Variants in NXPH1 observed in about 807,000 individuals in gnomAD.
NXPH1 encodes the protein neurexophilin-1.
Under a neutral mutation model 23.7 loss-of-function variants are expected in NXPH1, and 5 were observed. That is an observed-to-expected ratio of 0.21 (90% CI 0.11 to 0.44). The LOEUF is 0.44. Among genes scored for constraint, NXPH1 ranks in the 20% least tolerant of loss-of-function variants. The pLI, the probability that NXPH1 is intolerant of heterozygous loss-of-function variation, is 0.99. For synonymous variants in NXPH1, 144 were observed against 122.2 expected (o/e 1.18, Z -1.18); for missense variants, 324 against 321.6 (o/e 1.01, Z -0.06).
intron 2 of NXPH1, among the ~76,000 whole-genome samples, chr7:8,610,670 T>G (rs1365616678): frequency 6.6e-6 from 1 of 152,030 alleles, no homozygotes; most frequent in Non-Finnish European, 1.5e-5. Flanking sequence ...TACAACTGGT[T>G]TCTATTTTCT....
intron 2 of NXPH1, among the ~76,000 whole-genome samples, chr7:8,628,407 G>C (rs985210): frequency 0.31 from 46,091 of 147,636 alleles, 7,542 homozygotes; most frequent in African/African-American, 0.41. Flanking sequence ...GGTTAGAAGA[G>C]TCATCACAAA....
At chr7:8,556,549 C>A (rs1424232919) in intron 2 of NXPH1, among the ~76,000 whole-genome samples, 1 of 151,700 alleles carries the variant, frequency 6.6e-6, no homozygotes. Context: ...AATGCTCCAG[C>A]AGGCAGAAAG....
chr7:8,567,670 T>G (rs931289925), intron 2 of NXPH1, among the ~76,000 whole-genome samples: 1 of 151,938 alleles, frequency 6.6e-6, no homozygotes, highest in Non-Finnish European at 1.5e-5. Flanking sequence ...TCTTTTTGAG[T>G]ATTCAATGCC....
intron 2 of NXPH1, among the ~76,000 whole-genome samples, chr7:8,588,840 A>G (rs1428466907): frequency 6.6e-6 from 1 of 152,140 alleles, no homozygotes; most frequent in Non-Finnish European, 1.5e-5. Context: ...ATGCGATTAT[A>G]AGGCCATAAA....
At chr7:8,522,860 T>A (rs1203224358) in intron 2 of NXPH1, among the ~76,000 whole-genome samples, 1 of 152,200 alleles carries the variant, frequency 6.6e-6, no homozygotes, top group African/African-American at 2.4e-5. Context: ...GCAGGCTCTG[T>A]AGAGTCTACT....
chr7:8,747,851 C>T (rs901623268), intron 2 of NXPH1, among the ~76,000 whole-genome samples: 6 of 152,132 alleles, frequency 3.9e-5, no homozygotes, highest in Non-Finnish European at 7.4e-5. Context: ...TACATTATAG[C>T]TACTCTGTGT....
chr7:8,441,550 C>T (rs560011138), intron 2 of NXPH1, among the ~76,000 whole-genome samples: 4 of 152,170 alleles, frequency 2.6e-5, no homozygotes, highest in African/African-American at 9.6e-5. Context: ...TTGTGAAAGT[C>T]GAATGAATTA....
chr7:8,473,931 C>T (rs1404064929), intron 2 of NXPH1, among the ~76,000 whole-genome samples: 1 of 152,104 alleles, frequency 6.6e-6, no homozygotes, highest in Non-Finnish European at 1.5e-5. Flanking sequence ...ACTTGAACTG[C>T]TGCAGGTATC....
chr7:8,488,997 C>G (rs1320803908), intron 2 of NXPH1, among the ~76,000 whole-genome samples: 1 of 152,124 alleles, frequency 6.6e-6, no homozygotes, highest in Non-Finnish European at 1.5e-5. Flanking sequence ...GTTGAAGAGT[C>G]TTTGGACTCA....
chr7:8,602,114 T>C (rs1819375717), intron 2 of NXPH1, among the ~76,000 whole-genome samples: 1 of 152,262 alleles, frequency 6.6e-6, no homozygotes, highest in East Asian at 1.9e-4. Flanking sequence ...ATGTTCATTG[T>C]AAAACATTTA....
chr7:8,561,383 C>CACACACACACACACACA (rs1554256950), intron 2 of NXPH1, among the ~76,000 whole-genome samples: 3 of 147,114 alleles, frequency 2.0e-5, no homozygotes, highest in East Asian at 2.0e-4. Flanking sequence ...CACACACACA[C>CACACACACACACACACA]CTCTCTCTCT....
In NXPH1 at chr7:8,610,449, C is replaced by A. The variant is rs148208506; in HGVS notation, c.55-140559C>A. 3.0e-3 allele frequency among the ~76,000 whole-genome samples: 464 copies of A among 152,200 alleles called. 4 individuals are homozygous for A. The highest frequency in any genetic ancestry group is 0.011 in the African/African-American group (450 of 41,522). On this transcript the variant is annotated intron_variant, in intron 2 of 2. Coordinates refer to ENST00000405863, the MANE Select transcript of NXPH1 (RefSeq NM_152745.3). ...GTTAGAGGAGCACACATCACTATGGCTTATGACATTTCAGAAAACATAACT... is the reference window on the plus strand; with the variant it reads ...GTTAGAGGAGCACACATCACTATGGATTATGACATTTCAGAAAACATAACT...
chr7:8,452,984 C>T (rs1369233243), intron 2 of NXPH1, among the ~76,000 whole-genome samples: 5 of 152,088 alleles, frequency 3.3e-5, no homozygotes, highest in East Asian at 1.9e-4. Context: ...CTCATCAGAA[C>T]ATGTACCCCA....
intron 2 of NXPH1, among the ~76,000 whole-genome samples, chr7:8,698,878 C>A (rs1185776364): frequency 6.6e-6 from 1 of 152,088 alleles, no homozygotes; most frequent in African/African-American, 2.4e-5. Context: ...CAGAGTGTCT[C>A]TAAAGCCCAT....
intron 2 of NXPH1, among the ~76,000 whole-genome samples, chr7:8,498,089 A>G (rs766489877): frequency 4.6e-5 from 7 of 152,130 alleles, no homozygotes; most frequent in Non-Finnish European, 1.0e-4. Context: ...GAGAATATTG[A>G]ATCAAATGAG....
chr7:8,561,656 C>A (rs1818448383), intron 2 of NXPH1, among the ~76,000 whole-genome samples: 1 of 151,526 alleles, frequency 6.6e-6, no homozygotes, highest in Non-Finnish European at 1.5e-5. Flanking sequence ...CTAGACTAGT[C>A]CCTAACTCCA....
At chr7:8,697,228 G>A (rs1307069890) in intron 2 of NXPH1, among the ~76,000 whole-genome samples, 2 of 151,664 alleles carry the variant, frequency 1.3e-5, no homozygotes, top group Non-Finnish European at 2.9e-5. Context: ...CTTGTAGACT[G>A]TGGTGCCAAG....
At chr7:8,737,071 CT>C (rs1211442621) in intron 2 of NXPH1, among the ~76,000 whole-genome samples, 2 of 151,884 alleles carry the variant, frequency 1.3e-5, no homozygotes, top group Non-Finnish European at 2.9e-5. Flanking sequence ...ATCGATGAGT[CT>C]TAACTCTATC....
intron 2 of NXPH1, among the ~76,000 whole-genome samples, chr7:8,476,728 G>A (rs1584181496): frequency 6.6e-6 from 1 of 151,966 alleles, no homozygotes; most frequent in East Asian, 1.9e-4. Context: ...AAACTGTAAT[G>A]TGTTATACAA....
Sources: gnomAD v4.1 joint callset for allele counts (sites outside exome capture counted in the v4.1 genomes callset) on GRCh38, gnomAD v4.1.1 for gene constraint, MANE v1.5 for transcripts, NCBI Gene and HGNC (gene_info 2026-07-23, HGNC 2026-07-21) for gene names.